ORC3: variants seen among roughly 807,000 people sequenced by gnomAD.
ORC3 encodes the protein homolog of latheo, Drosophila.
In ORC3, 78 loss-of-function variants were observed where a neutral mutation model predicts 100.7. That is an observed-to-expected ratio of 0.77 (90% CI 0.65 to 0.94). ORC3 has a LOEUF of 0.94. Ranked by LOEUF, ORC3 falls within the 40% of genes least tolerant of loss-of-function variation. ORC3 has a pLI of 0.00. For synonymous variants in ORC3, 295 were observed against 289.3 expected (o/e 1.02, Z -0.20); for missense variants, 789 against 823.9 (o/e 0.96, Z 0.52).
At position 87,618,832 on chromosome 6, in the gene ORC3, C is replaced by A. The variant is rs192225792; in HGVS notation, c.987+2405C>A. Among the ~76,000 whole-genome samples the A allele has an allele frequency of 7.5e-4, 114 of 152,010 alleles. 1 individual carries two copies. The highest frequency in any genetic ancestry group is 9.1e-4 in the Non-Finnish European group (62 of 68,000). On this transcript the variant is annotated intron_variant, in intron 9 of 19. Coordinates refer to ENST00000392844, the MANE Select transcript of ORC3 (RefSeq NM_012381.4). ...AGGTTAAGAGAGGAGTAAGATGACA[C>A]AGGCTCTAGCTTGGCAGATTGGAGG...
Position 87,603,375 on chromosome 6 carries a change from T to C in ORC3, c.178-9T>C, listed in dbSNP as rs750764404. 5 of 1,419,998 alleles carry C rather than the reference T, an allele frequency of 3.5e-6. No individual in the cohort carries two copies. The highest frequency in any genetic ancestry group is 4.8e-6 in the Non-Finnish European group (5 of 1,050,302). The allele number at this position is 1,419,998 out of a possible 1,614,324, so 88.0% of individuals were successfully genotyped here. ...CTAATAATAATAAGTTTTTGTGTGTTCTTTGTAGCGACTACAAGAGGAATT... is the reference window on the plus strand; with the variant it reads ...CTAATAATAATAAGTTTTTGTGTGTCCTTTGTAGCGACTACAAGAGGAATT... On this transcript the variant is annotated splice_polypyrimidine_tract_variant and intron_variant, in intron 3 of 19. Coordinates refer to ENST00000392844, the MANE Select transcript of ORC3 (RefSeq NM_012381.4).
intron 13 of ORC3, among the ~76,000 whole-genome samples, chr6:87,638,571 C>T (rs1323754757): frequency 6.6e-6 from 1 of 152,120 alleles, no homozygotes; most frequent in Non-Finnish European, 1.5e-5. Context: ...ATGCTTTTTA[C>T]AGATTGAGCA....
At chr6:87,617,828 G>T (rs943238878) in intron 9 of ORC3, among the ~76,000 whole-genome samples, 1 of 152,128 alleles carries the variant, frequency 6.6e-6, no homozygotes, top group Non-Finnish European at 1.5e-5. Flanking sequence ...TTCATTTTGT[G>T]TAGTGCCTTG....
chr6:87,604,506 G>GTGAT (rs1219823190), intron 4 of ORC3, among the ~76,000 whole-genome samples: 4 of 152,216 alleles, frequency 2.6e-5, no homozygotes, highest in African/African-American at 9.6e-5. Flanking sequence ...CTGAGGCCCA[G>GTGAT]TGATGGCCCA....
At chr6:87,628,005 A>G (rs1267404332) in intron 11 of ORC3, among the ~76,000 whole-genome samples, 1 of 152,246 alleles carries the variant, frequency 6.6e-6, no homozygotes, top group East Asian at 1.9e-4. Flanking sequence ...CCTCAAAATT[A>G]TGGATCCACT....
chr6:87,624,506 T>A (rs1270690115), intron 11 of ORC3, among the ~76,000 whole-genome samples: 1 of 152,084 alleles, frequency 6.6e-6, no homozygotes, highest in Non-Finnish European at 1.5e-5. Flanking sequence ...AACAAAAGAA[T>A]GTGTCTTGAT....
chr6:87,646,785 A>G (rs184773886), intron 13 of ORC3, among the ~76,000 whole-genome samples: 191 of 152,328 alleles, frequency 1.3e-3, no homozygotes, highest in Middle Eastern at 3.4e-3. Context: ...CTTAATCGTA[A>G]GCCTATACCT....
At chr6:87,644,169 T>C (rs1337170604) in intron 13 of ORC3, among the ~76,000 whole-genome samples, 1 of 134,380 alleles carries the variant, frequency 7.4e-6, no homozygotes, top group Admixed American at 8.2e-5. Flanking sequence ...CTCGGCTCAC[T>C]GCAAGCTCCG....
intron 17 of ORC3, 68 bp from the exon 18 acceptor site, chr6:87,664,675 A>C (rs967028358): frequency 7.7e-7 from 1 of 1,305,530 alleles, no homozygotes; most frequent in African/African-American, 1.5e-5. Flanking sequence ...TGGGGGCTTC[A>C]TTAATGTCTG....
chr6:87,664,803 G>A lies in ORC3; in HGVS notation c.1894G>A (p.Ala632Thr), dbSNP rs944953670. 6.2e-7 allele frequency: 1 copy of A among 1,614,032 alleles called. No individual in the cohort carries two copies. Among genetic ancestry groups the A allele is most frequent in the African/African-American group, 1.3e-5 (1 of 74,922 alleles). Residue 632 changes from alanine (A) to threonine (T), a missense_variant, in exon 18 of 20, where the codon GCA becomes ACA. Around this residue, in one of 3 missense-constraint regions of ORC3, gnomAD observed 366 missense variants for 394.2 expected, o/e 0.93. Transcript: ENST00000392844. Reference protein sequence around the residue: ...IPNIAPDICIAYKLHLECSRL... With the variant: ...IPNIAPDICITYKLHLECSRL... ...GAATATCGCCCCAGACATCTGCATA[G>A]CATACAAACTGCACCTAGAGTGTAG...
chr6:87,676,528 G>C, the ORC3 span, among the ~76,000 whole-genome samples: 1 of 150,228 alleles, frequency 6.7e-6, no homozygotes, highest in African/African-American at 2.5e-5. Context: ...ACGCCGAGGC[G>C]GGCACATCAT....
At chr6:87,627,213 G>C (rs1035476339) in intron 11 of ORC3, among the ~76,000 whole-genome samples, 8 of 150,118 alleles carry the variant, frequency 5.3e-5, no homozygotes, top group African/African-American at 2.0e-4. Context: ...TGGCCAGGCT[G>C]GTCTCAAACT....
chr6:87,675,477 G>C, the ORC3 span: 1 of 1,429,884 alleles, frequency 7.0e-7, no homozygotes, highest in Non-Finnish European at 9.8e-7. Flanking sequence ...TGCCACTGAC[G>C]AAAGCTTGAA....
rs1308731937 is a variant in ORC3 at position 87,659,029 on chromosome 6, G to GT, written c.1691+1011_1691+1012insT. 1.5e-5 allele frequency among the ~76,000 whole-genome samples: 2 copies of GT among 132,922 alleles called. 1 individual carries two copies. The highest frequency in any genetic ancestry group is 3.2e-5 in the Non-Finnish European group (2 of 62,864). The allele number at this position is 132,922 out of a possible 152,430, so 87.2% of individuals were successfully genotyped here. The stretch of plus-strand genomic sequence containing the variant: ...AATACCTAAAAAGTGGGGCGGGGGG[G>GT]GGAGAACCTGTTATCATTGTTTATT... On this transcript the variant is annotated intron_variant, in intron 16 of 19. Transcript: ENST00000392844.
chr6:87,676,596 A>ACACACACACACACACACACAC, the ORC3 span, among the ~76,000 whole-genome samples: 1 of 142,046 alleles, frequency 7.0e-6, no homozygotes, highest in Non-Finnish European at 1.5e-5. Flanking sequence ...CTCTACTAAA[A>ACACACACACACACACACACAC]ACACACACAC....
intron 11 of ORC3, 62 bp downstream of exon 11, chr6:87,622,075 T>G: frequency 9.3e-7 from 1 of 1,070,604 alleles, no homozygotes. Context: ...AGAATATGCA[T>G]GTAACATTTA....
downstream of ORC3, among the ~76,000 whole-genome samples, chr6:87,669,995 C>T (rs899254163): frequency 5.9e-5 from 9 of 152,218 alleles, no homozygotes; most frequent in Admixed American, 5.9e-4. Context: ...TGGCCTCACA[C>T]AGACCAGCAG....
intron 13 of ORC3, among the ~76,000 whole-genome samples, chr6:87,643,569 T>TATTA (rs1249279501): frequency 2.6e-5 from 4 of 152,236 alleles, no homozygotes; most frequent in African/African-American, 9.6e-5. Flanking sequence ...AGTGAGCTAA[T>TATTA]GGTTTTTATC....
At chr6:87,633,226 T>G (rs192806158) in intron 11 of ORC3, among the ~76,000 whole-genome samples, 9 of 152,228 alleles carry the variant, frequency 5.9e-5, no homozygotes, top group African/African-American at 2.2e-4. Flanking sequence ...ATATTCCCCC[T>G]GTTTAAAAGC....
Sources: gnomAD v4.1 joint callset for allele counts (sites outside exome capture counted in the v4.1 genomes callset) on GRCh38, gnomAD v4.1.1 for gene constraint, gnomAD v4.1.1 regional missense constraint, MANE v1.5 for transcripts, NCBI Gene and HGNC (gene_info 2026-07-23, HGNC 2026-07-21) for gene names.